PDZRN4: variants seen among roughly 807,000 people sequenced by gnomAD.
PDZRN4 encodes the protein PDZ domain containing ring finger 4.
In PDZRN4, 70 loss-of-function variants were observed where a neutral mutation model predicts 99.0. The ratio of observed to expected loss-of-function variants is 0.71; its 90% CI spans 0.58 to 0.86. The LOEUF (loss-of-function observed/expected upper bound fraction) is 0.86, where lower values mean the gene tolerates loss of function less well. Ranked by LOEUF, PDZRN4 falls within the 40% of genes least tolerant of loss-of-function variation. PDZRN4 has a pLI of 0.00. For synonymous variants in PDZRN4, 551 were observed against 501.6 expected, an observed-to-expected ratio of 1.10 and a Z score of -1.32; for missense variants, 1,474 against 1,331.2, an observed-to-expected ratio of 1.11 and a Z score of -1.67.
intron 3 of PDZRN4, among the ~76,000 whole-genome samples, chr12:41,446,465 A>G (rs1258086884): frequency 1.3e-5 from 2 of 152,046 alleles, no homozygotes; most frequent in East Asian, 3.9e-4. Context: ...ATGAAAGACC[A>G]CTATTGTAAT....
chr12:41,258,189 C>T (rs1951215840), intron 3 of PDZRN4, among the ~76,000 whole-genome samples: 1 of 152,054 alleles, frequency 6.6e-6, no homozygotes, highest in African/African-American at 2.4e-5. Flanking sequence ...GCTCTAAGCC[C>T]AATTGTTTTG....
chr12:41,236,722 C>T (rs749209528), intron 3 of PDZRN4, among the ~76,000 whole-genome samples: 38 of 152,096 alleles, frequency 2.5e-4, no homozygotes, highest in Non-Finnish European at 5.0e-4. Flanking sequence ...GCCAATATGG[C>T]AAGTGAAACA....
At chr12:41,315,935 C>G (rs537597423) in intron 3 of PDZRN4, among the ~76,000 whole-genome samples, 36 of 152,206 alleles carry the variant, frequency 2.4e-4, no homozygotes, top group Admixed American at 9.8e-4. Context: ...CTCTCAGTGA[C>G]CCTGTGAATG....
chr12:41,391,258 G>A (rs1463701476), intron 3 of PDZRN4, among the ~76,000 whole-genome samples: 1 of 152,138 alleles, frequency 6.6e-6, no homozygotes, highest in African/African-American at 2.4e-5. Context: ...TTTAATGTAT[G>A]AGTAGTATAT....
intron 3 of PDZRN4, among the ~76,000 whole-genome samples, chr12:41,482,920 T>C (rs1937700293): frequency 6.6e-6 from 1 of 152,052 alleles, no homozygotes. Context: ...GGATCAACCC[T>C]CAGTGTTTCA....
intron 3 of PDZRN4, among the ~76,000 whole-genome samples, chr12:41,244,829 C>T (rs970934102): frequency 1.6e-4 from 23 of 146,428 alleles, no homozygotes; most frequent in African/African-American, 4.8e-4. Context: ...GGACTACAGG[C>T]GCCCGCCACC....
intron 3 of PDZRN4, among the ~76,000 whole-genome samples, chr12:41,437,372 C>T (rs2730829): frequency 0.51 from 77,305 of 151,886 alleles, 20,145 homozygotes; most frequent in African/African-American, 0.64. Context: ...GATATGTAAA[C>T]TAAGTATATT....
At chr12:41,487,864 A>G (rs894815514) in intron 3 of PDZRN4, among the ~76,000 whole-genome samples, 2 of 152,198 alleles carry the variant, frequency 1.3e-5, no homozygotes, top group Non-Finnish European at 2.9e-5. Flanking sequence ...TTGGAGTTAA[A>G]CTTAAGAAAG....
In PDZRN4 at chr12:41,449,107, A is replaced by T. The variant is rs1345675828; in HGVS notation, c.844-57349A>T. Among the ~76,000 whole-genome samples the T allele has an allele frequency of 2.6e-5, 4 of 152,126 alleles. 1 individual carries two copies. The highest frequency in any genetic ancestry group is 5.9e-5 in the Non-Finnish European group (4 of 68,028). ...TATTATTCAACTGTCAAACCGACCA[A>T]CACACTAAGCTATTCTTTCTTTCCA... is the stretch of plus-strand genomic sequence containing the variant. On this transcript the variant is annotated intron_variant, in intron 3 of 9. Transcript: ENST00000402685.
At chr12:41,544,092 A>G (rs1938907861) in intron 5 of PDZRN4, among the ~76,000 whole-genome samples, 1 of 152,232 alleles carries the variant, frequency 6.6e-6, no homozygotes, top group Admixed American at 6.5e-5. Context: ...TTATTCACAA[A>G]TCATTTAGAG....
At chr12:41,346,783 C>T (rs1479314024) in intron 3 of PDZRN4, among the ~76,000 whole-genome samples, 2 of 151,982 alleles carry the variant, frequency 1.3e-5, no homozygotes, top group African/African-American at 4.8e-5. Flanking sequence ...TTTGTCCTTC[C>T]TAAAGAAACC....
At chr12:41,345,511 T>C (rs958363191) in intron 3 of PDZRN4, among the ~76,000 whole-genome samples, 3 of 152,192 alleles carry the variant, frequency 2.0e-5, no homozygotes, top group African/African-American at 7.2e-5. Context: ...CAAAGGGTTC[T>C]AGTCATTTTC....
In PDZRN4 at chr12:41,443,305, G is replaced by T. The variant is rs571024980; in HGVS notation, c.844-63151G>T. ...TTGGGGAGTGGGGGAGAAGAAGGGA[G>T]GAGAAACTAAAATGATGAAAGGGTT... On this transcript the variant is annotated intron_variant, in intron 3 of 9. Coordinates refer to ENST00000402685, the MANE Select transcript of PDZRN4 (RefSeq NM_001164595.2). 2.0e-5 allele frequency among the ~76,000 whole-genome samples: 3 copies of T among 152,202 alleles called. No individual in the cohort carries two copies. The East Asian group carries it at 5.8e-4, about 29-fold the overall frequency.
chr12:41,257,351 T>C (rs193055830), intron 3 of PDZRN4, among the ~76,000 whole-genome samples: 1 of 152,312 alleles, frequency 6.6e-6, no homozygotes, highest in Non-Finnish European at 1.5e-5. Flanking sequence ...CAGAGGCCTC[T>C]TTCATAAGGG....
intron 3 of PDZRN4, among the ~76,000 whole-genome samples, chr12:41,435,360 A>C (rs1045778453): frequency 6.6e-6 from 1 of 152,182 alleles, no homozygotes; most frequent in Non-Finnish European, 1.5e-5. Context: ...TTGATAATTA[A>C]ATTTCTTACT....
chr12:41,216,353 G>A (rs1376275250), intron 3 of PDZRN4, among the ~76,000 whole-genome samples: 1 of 151,974 alleles, frequency 6.6e-6, no homozygotes, highest in Non-Finnish European at 1.5e-5. Context: ...GGTGAAAGTT[G>A]TTTGTTTAAG....
intron 7 of PDZRN4, among the ~76,000 whole-genome samples, chr12:41,560,743 CAACCGAA>C (rs1251517985): frequency 6.6e-6 from 1 of 152,166 alleles, no homozygotes; most frequent in African/African-American, 2.4e-5. Context: ...GGACCAAGAG[CAACCGAA>C]GGTTGAAAGC....
rs572012656 is a variant in PDZRN4, at chr12:41,188,849, G to A, written c.394G>A (p.Gly132Ser). The stretch of plus-strand genomic sequence containing the variant: ...CGGTGGTGAGGTGCCCGCGCGGGGG[G>A]GCTGCGGTCCGACACCCAGGGCTGG... ...LGGGEVPARGGCGPTPRAGRG... is the reference protein window; with the variant it reads ...LGGGEVPARGSCGPTPRAGRG... Residue 132 changes from glycine to serine, a missense_variant, in exon 1 of 10, where the codon GGC becomes AGC. Gly to Ser is a moderately conservative substitution (Grantham distance 56). Coordinates refer to ENST00000402685, the MANE Select transcript of PDZRN4 (RefSeq NM_001164595.2). The A allele has an allele frequency of 8.4e-4, 1,061 of 1,261,908 alleles. No individual in the cohort carries two copies. Among genetic ancestry groups the A allele is most frequent in the South Asian group, 2.2e-3 (82 of 37,148 alleles). 78.2% of individuals were successfully genotyped at this position (1,261,908 alleles called of 1,614,324 possible).
At chr12:41,233,870 C>G (rs972887039) in intron 3 of PDZRN4, among the ~76,000 whole-genome samples, 18 of 151,824 alleles carry the variant, frequency 1.2e-4, no homozygotes, top group Non-Finnish European at 2.1e-4. Flanking sequence ...AGCACACCAA[C>G]ATGGCACATG....
Sources: allele counts gnomAD v4.1 joint callset (sites outside exome capture counted in the v4.1 genomes callset), GRCh38; gene constraint gnomAD v4.1.1; transcripts MANE v1.5; gene names NCBI Gene and HGNC (gene_info 2026-07-23, HGNC 2026-07-21).